DRC11: variants seen among roughly 807,000 people sequenced by gnomAD.
DRC11 encodes the protein IQ and AAA domain-containing protein 1.
At chr2:236,343,654 T>C in the DRC11 span, 1 of 1,122,552 alleles carries the variant, frequency 8.9e-7, no homozygotes, top group Non-Finnish European at 1.2e-6. The surrounding 1 kb of genome is among the most constrained non-coding windows in gnomAD (Gnocchi z 6.6). Context: ...CTCTTAGACG[T>C]GGGACCTGGT....
chr2:236,466,953 G>A, the DRC11 span, among the ~76,000 whole-genome samples: 28,451 of 152,176 alleles, frequency 0.19, 2,963 homozygotes, highest in Middle Eastern at 0.27. Context: ...TTCTAAAGAT[G>A]TCTTCATTTG....
the DRC11 span, among the ~76,000 whole-genome samples, chr2:236,430,356 T>C: frequency 2.0e-5 from 3 of 152,296 alleles, no homozygotes; most frequent in East Asian, 5.8e-4. The surrounding 1 kb of genome is among the most constrained non-coding windows in gnomAD (Gnocchi z 6.0). Context: ...AGCAAAATCT[T>C]CCAAGTGCAC....
the DRC11 span, among the ~76,000 whole-genome samples, chr2:236,418,293 T>G: frequency 6.6e-6 from 1 of 152,200 alleles, no homozygotes; most frequent in African/African-American, 2.4e-5. Context: ...AGTATCTCAT[T>G]GTGGTTTTGA....
chr2:236,466,959 A>C, the DRC11 span, among the ~76,000 whole-genome samples: 1 of 152,206 alleles, frequency 6.6e-6, no homozygotes, highest in East Asian at 1.9e-4. Flanking sequence ...AGATGTCTTC[A>C]TTTGGCCCCT....
At chr2:236,480,374 G>A in the DRC11 span, among the ~76,000 whole-genome samples, 1 of 151,992 alleles carries the variant, frequency 6.6e-6, no homozygotes, top group Admixed American at 6.6e-5. Flanking sequence ...TCTTAGACTT[G>A]CTCTTCTGAG....
At chr2:236,323,884 C>T in the DRC11 span, among the ~76,000 whole-genome samples, 1 of 152,282 alleles carries the variant, frequency 6.6e-6, no homozygotes, top group South Asian at 2.1e-4. The surrounding 1 kb of genome is among the most constrained non-coding windows in gnomAD (Gnocchi z 6.4). Flanking sequence ...ACTCTTTAAT[C>T]TTTTTCTTAT....
chr2:236,439,902 CATT>C, the DRC11 span, among the ~76,000 whole-genome samples: 1 of 152,110 alleles, frequency 6.6e-6, no homozygotes, highest in Admixed American at 6.5e-5. Context: ...CTAGTATTAT[CATT>C]ATTAAGAAAA....
the DRC11 span, chr2:236,486,725 A>G: frequency 8.8e-6 from 7 of 792,284 alleles, no homozygotes; most frequent in South Asian, 1.2e-4. The surrounding 1 kb of genome is among the most constrained non-coding windows in gnomAD (Gnocchi z 5.7). Flanking sequence ...TAAATCATTT[A>G]TTTTTCTTTC....
At chr2:236,448,757 G>T in the DRC11 span, among the ~76,000 whole-genome samples, 3,251 of 152,282 alleles carry the variant, frequency 0.021, 46 homozygotes, top group Non-Finnish European at 0.03. The surrounding 1 kb of genome is among the most constrained non-coding windows in gnomAD (Gnocchi z 5.3). Flanking sequence ...GCTGGTGGTC[G>T]GGGCAGAGAC....
the DRC11 span, chr2:236,488,237 A>T: frequency 7.3e-7 from 1 of 1,370,142 alleles, no homozygotes; most frequent in Non-Finnish European, 9.8e-7. Context: ...CATGTTAACC[A>T]CATCAATTGA....
chr2:236,484,571 T>C, the DRC11 span, among the ~76,000 whole-genome samples: 4 of 152,144 alleles, frequency 2.6e-5, no homozygotes, highest in African/African-American at 9.6e-5. Context: ...TGAATATCTG[T>C]ATATTGTATA....
the DRC11 span, among the ~76,000 whole-genome samples, chr2:236,355,628 C>T: frequency 6.6e-6 from 1 of 152,078 alleles, no homozygotes; most frequent in East Asian, 1.9e-4. Context: ...TTTTGATTAG[C>T]CCTGTTTTAG....
chr2:236,357,351 A>G, the DRC11 span, among the ~76,000 whole-genome samples: 1 of 120,352 alleles, frequency 8.3e-6, no homozygotes. Context: ...TATATATTAT[A>G]TGTATATATA....
the DRC11 span, among the ~76,000 whole-genome samples, chr2:236,308,008 G>A: frequency 1.3e-5 from 2 of 151,002 alleles, no homozygotes; most frequent in Non-Finnish European, 1.5e-5. This position sits in a 1 kb window ranked among gnomAD's most constrained non-coding sequence, Gnocchi z 6.0. Context: ...CAGTGACGCA[G>A]GCGTCCTCGT....
chr2:236,358,427 T>TCATATATAAATATATATGATATATGA, the DRC11 span, among the ~76,000 whole-genome samples: 49 of 137,838 alleles, frequency 3.6e-4, 1 homozygote, highest in African/African-American at 1.2e-3. Context: ...TATATGAATA[T>TCATATATAAATATATATGATATATGA]ATATCATATA....
the DRC11 span, among the ~76,000 whole-genome samples, chr2:236,409,725 G>A: frequency 6.6e-6 from 1 of 151,882 alleles, no homozygotes; most frequent in East Asian, 1.9e-4. Context: ...TGCCCATTCA[G>A]TATGATATTG....
At chr2:236,419,968 C>T in the DRC11 span, among the ~76,000 whole-genome samples, 6 of 152,192 alleles carry the variant, frequency 3.9e-5, no homozygotes, top group Non-Finnish European at 8.8e-5. This position sits in a 1 kb window ranked among gnomAD's most constrained non-coding sequence, Gnocchi z 4.8. Flanking sequence ...AATGACAGGA[C>T]ACGCTTCCTG....
the DRC11 span, chr2:236,440,960 C>A: frequency 1.2e-6 from 1 of 856,570 alleles, no homozygotes; most frequent in Admixed American, 2.3e-5. Flanking sequence ...GACCTAATAA[C>A]GCTATAAACT....
the DRC11 span, among the ~76,000 whole-genome samples, chr2:236,418,557 T>A: frequency 6.6e-6 from 1 of 152,168 alleles, no homozygotes; most frequent in Non-Finnish European, 1.5e-5. Flanking sequence ...AAGAGTTCAC[T>A]TCTCCTGCAG....
Sources: gnomAD v4.1 joint callset for allele counts (sites outside exome capture counted in the v4.1 genomes callset) on GRCh38, gnomAD v4.1.1 for gene constraint, Gnocchi (gnomAD v3.1) non-coding constraint, MANE v1.5 for transcripts, NCBI Gene and HGNC (gene_info 2026-07-23, HGNC 2026-07-21) for gene names.